The following ALKBH1 variants were observed in gnomAD, a reference collection of about 807,000 sequenced individuals.
ALKBH1 encodes nucleic acid dioxygenase ALKBH1.
Under a neutral mutation model 36.6 loss-of-function variants are expected in ALKBH1, and 31 were observed. The ratio of observed to expected loss-of-function variants is 0.85; its 90% CI spans 0.64 to 1.14. ALKBH1 has a LOEUF of 1.14. ALKBH1 is among the 50% of genes most tolerant of loss of function. ALKBH1 has a pLI of 0.00. For missense variants in ALKBH1, 490 were observed against 497.3 expected, an observed-to-expected ratio of 0.99 and a Z score of 0.14; for synonymous variants, 183 against 186.6, an observed-to-expected ratio of 0.98 and a Z score of 0.16.
intron 3 of ALKBH1, chr14:77,683,337 T>G: frequency 4.1e-6 from 3 of 738,672 alleles, no homozygotes; most frequent in Non-Finnish European, 7.5e-6. Context: ...TGGGTTCTTT[T>G]TCTGATCATT....
At chr14:77,705,941 G>A (rs1318626111) in intron 1 of ALKBH1, among the ~76,000 whole-genome samples, 1 of 152,086 alleles carries the variant, frequency 6.6e-6, no homozygotes, top group Non-Finnish European at 1.5e-5. Context: ...TGTAGTCCCA[G>A]CTACTTGGGA....
At chr14:77,687,916 C>CTCTT (rs10642274) in intron 3 of ALKBH1, among the ~76,000 whole-genome samples, 139,800 of 151,820 alleles carry the variant, frequency 0.92, 64,630 homozygotes, top group Non-Finnish European at 0.97. Context: ...CTCATCTCAT[C>CTCTT]TCTCTTCGTG....
chr14:77,694,619 T>C (rs943059434), intron 3 of ALKBH1, 119 bp downstream of exon 3: 21 of 740,258 alleles, frequency 2.8e-5, no homozygotes, highest in African/African-American at 3.6e-5. Context: ...TTGGAAACAA[T>C]GAAGGGAAAA....
intron 3 of ALKBH1, among the ~76,000 whole-genome samples, chr14:77,689,353 T>C (rs954048947): frequency 3.3e-5 from 5 of 152,202 alleles, no homozygotes; most frequent in African/African-American, 4.8e-5. Context: ...TAACAGTCCC[T>C]CCCTCACTGG....
intron 2 of ALKBH1, among the ~76,000 whole-genome samples, chr14:77,695,586 T>C (rs1414568183): frequency 6.6e-6 from 1 of 152,216 alleles, no homozygotes; most frequent in African/African-American, 2.4e-5. Context: ...TTTTCCAAGC[T>C]TCTCAATGTA....
intron 3 of ALKBH1, among the ~76,000 whole-genome samples, chr14:77,681,546 C>T (rs1338802403): frequency 6.6e-6 from 1 of 152,178 alleles, no homozygotes; most frequent in Non-Finnish European, 1.5e-5. Flanking sequence ...CATCATGACA[C>T]ATACATACAT....
chr14:77,689,840 C>T, intron 3 of ALKBH1, among the ~76,000 whole-genome samples: 1 of 147,296 alleles, frequency 6.8e-6, no homozygotes, highest in East Asian at 1.9e-4. Flanking sequence ...CTATGTTGCA[C>T]TTAATTAAAA....
rs200488919 is a variant in ALKBH1, at chr14:77,703,593, C to CTTTTTT, written c.292+770_292+775dup. Among the ~76,000 whole-genome samples, 173 of 112,844 alleles carry CTTTTTT rather than the reference C, an allele frequency of 1.5e-3. 1 individual carries two copies. The highest frequency in any genetic ancestry group is 2.0e-3 in the Non-Finnish European group (116 of 57,512). 74.0% of individuals were successfully genotyped at this position (112,844 alleles called of 152,430 possible). On this transcript the variant is annotated intron_variant, in intron 2 of 5. Transcript: ENST00000216489. Reference sequence around the variant, plus strand: ...TACAGGCGTGAGCTACTGCGTCCAGCTTTTTTTTTTTTTTTTTTTTTGAGA... The same window carrying CTTTTTT: ...TACAGGCGTGAGCTACTGCGTCCAGCTTTTTTTTTTTTTTTTTTTTTTTTTTTGAGA...
At chr14:77,678,823 T>C (rs765912661) in intron 4 of ALKBH1, among the ~76,000 whole-genome samples, 20 of 151,956 alleles carry the variant, frequency 1.3e-4, no homozygotes, top group Non-Finnish European at 2.5e-4. Context: ...CAGGCAAATA[T>C]CTTTTTTTTT....
At chr14:77,684,163 G>A (rs1486129695) in intron 3 of ALKBH1, among the ~76,000 whole-genome samples, 1 of 152,130 alleles carries the variant, frequency 6.6e-6, no homozygotes, top group Non-Finnish European at 1.5e-5. Flanking sequence ...AAACTCACAT[G>A]GCTGGGTCCA....
At chr14:77,685,980 T>G (rs1367797932) in intron 3 of ALKBH1, among the ~76,000 whole-genome samples, 2 of 152,188 alleles carry the variant, frequency 1.3e-5, no homozygotes, top group African/African-American at 2.4e-5. Flanking sequence ...GTAAGTGCAT[T>G]AGACCCTCAT....
At position 77,706,094 on chromosome 14, in the gene ALKBH1, TATACACACACAC is replaced by T. The variant is rs375833156; in HGVS notation, c.184-1629_184-1618del. ...TATATATTATATATACACACACATA[TATACACACACAC>T]ATATATATATATATGAAACATTCTC... On this transcript the variant is annotated intron_variant, in intron 1 of 5. Coordinates refer to ENST00000216489, the MANE Select transcript of ALKBH1 (RefSeq NM_006020.3). Among the ~76,000 whole-genome samples the T allele has an allele frequency of 8.3e-5, 10 of 120,964 alleles. No individual in the cohort carries two copies. The East Asian group carries it at 1.7e-3, about 21-fold the overall frequency. 79.4% of individuals were successfully genotyped at this position (120,964 alleles called of 152,430 possible). A position where few individuals can be genotyped will look rare whatever the true frequency, so the allele number is the denominator to read the frequency against.
intron 3 of ALKBH1, among the ~76,000 whole-genome samples, chr14:77,685,506 G>A (rs2080263132): frequency 6.6e-6 from 1 of 152,044 alleles, no homozygotes; most frequent in Admixed American, 6.5e-5. Context: ...GCTGGGCGTG[G>A]TGGCTCACGC....
chr14:77,695,481 C>T (rs1414108592), intron 2 of ALKBH1, among the ~76,000 whole-genome samples: 1 of 152,152 alleles, frequency 6.6e-6, no homozygotes, highest in African/African-American at 2.4e-5. Flanking sequence ...GACTGGAGGG[C>T]GGAAGTTGGT....
chr14:77,679,253 TA>T, intron 4 of ALKBH1, among the ~76,000 whole-genome samples: 1 of 151,488 alleles, frequency 6.6e-6, no homozygotes, highest in East Asian at 1.9e-4. Flanking sequence ...CAATAAAAAT[TA>T]AAAAAAAGAA....
At chr14:77,699,659 C>T (rs1190016893) in intron 2 of ALKBH1, among the ~76,000 whole-genome samples, 1 of 152,206 alleles carries the variant, frequency 6.6e-6, no homozygotes, top group Admixed American at 6.6e-5. Context: ...ATAAGACAAA[C>T]AAACAATCTG....
chr14:77,707,922 C>A lies in ALKBH1; in HGVS notation c.83G>T (p.Arg28Leu), dbSNP rs944216197. The A allele has an allele frequency of 6.2e-7, 1 of 1,613,224 alleles. No homozygotes were observed. Among genetic ancestry groups the A allele is most frequent in the African/African-American group, 1.3e-5 (1 of 74,892 alleles). Reference sequence around the variant, plus strand: ...CCCGGGCCGGCTCTGACGGTAGAAGCGGAAAAGTTTCCGAAAGGCGTCCTC... The same window carrying A: ...CCCGGGCCGGCTCTGACGGTAGAAGAGGAAAAGTTTCCGAAAGGCGTCCTC... ...PGEDAFRKLF[R>L]FYRQSRPGTA... Residue 28 changes from arginine (R) to leucine (L), a missense_variant, in exon 1 of 6, where the codon CGC becomes CTC. Arg to Leu is a moderately radical substitution (Grantham distance 102, BLOSUM62 -2). Coordinates refer to ENST00000216489, the MANE Select transcript of ALKBH1 (RefSeq NM_006020.3).
intron 2 of ALKBH1, among the ~76,000 whole-genome samples, chr14:77,699,614 C>G (rs965244300): frequency 6.6e-6 from 1 of 152,192 alleles, no homozygotes; most frequent in African/African-American, 2.4e-5. Flanking sequence ...TCATCCCTCT[C>G]TCCTGGCCCA....
chr14:77,683,190 T>A, intron 3 of ALKBH1: 1 of 654,534 alleles, frequency 1.5e-6, no homozygotes, highest in African/African-American at 1.9e-5. Context: ...TCCAGGGGTA[T>A]TTTAACACCT....
Sources: gnomAD v4.1 joint callset for allele counts (sites outside exome capture counted in the v4.1 genomes callset) on GRCh38, gnomAD v4.1.1 for gene constraint, MANE v1.5 for transcripts, NCBI Gene and HGNC (gene_info 2026-07-23, HGNC 2026-07-21) for gene names.